The following CNTNAP3B variants were observed in gnomAD, a reference collection of about 807,000 sequenced individuals.
CNTNAP3B encodes contactin-associated protein-like 3B.
A neutral mutation model predicts 108.9 loss-of-function variants in CNTNAP3B; 25 were observed. The observed-to-expected ratio is 0.23, with a 90% confidence interval of 0.17 to 0.32. The LOEUF is 0.32. Among genes scored for constraint, CNTNAP3B ranks in the 10% least tolerant of loss-of-function variants. CNTNAP3B has a pLI of 1.00. For missense variants in CNTNAP3B, 252 were observed against 1,210.4 expected (o/e 0.21, Z 11.75); for synonymous variants, 103 against 473.4 (o/e 0.22, Z 10.16).
Position 42,076,868 on chromosome 9 carries a change from C to A in CNTNAP3B, c.390+1G>T, listed in dbSNP as rs576297680. ...AGCAATTATTGTTATTAGAAACATACCCAGATGCTTTCTTCTCGGCGATAC... is the reference window on the plus strand; with the variant it reads ...AGCAATTATTGTTATTAGAAACATAACCAGATGCTTTCTTCTCGGCGATAC... On this transcript the variant is annotated splice_donor_variant, in intron 3 of 23. Transcript: ENST00000377561. LOFTEE classifies it high-confidence loss of function. 5 of 1,540,174 alleles carry A rather than the reference C, an allele frequency of 3.2e-6. 2 individuals carry two copies. The highest frequency in any genetic ancestry group is 4.4e-6 in the Non-Finnish European group (5 of 1,138,666).
chr9:42,108,769 C>T (rs1423826082), intron 1 of CNTNAP3B, among the ~76,000 whole-genome samples: 7 of 138,756 alleles, frequency 5.0e-5, no homozygotes, highest in Non-Finnish European at 1.1e-4. Context: ...TTGATTTGTC[C>T]CCTGACCCCT....
At chr9:41,943,995 A>C (rs1436203584) in intron 13 of CNTNAP3B, among the ~76,000 whole-genome samples, 3,340 of 150,840 alleles carry the variant, frequency 0.022, 14 homozygotes, top group African/African-American at 0.077. Context: ...ATTATGCCAG[A>C]TTTCCCTTAA....
intron 13 of CNTNAP3B, among the ~76,000 whole-genome samples, chr9:41,952,094 G>A (rs1338604178): frequency 5.3e-5 from 8 of 152,264 alleles, no homozygotes; most frequent in Non-Finnish European, 1.0e-4. Context: ...AAATGGTCTG[G>A]CATATTCCAG....
rs1474377885 is a variant in CNTNAP3B at position 42,127,419 on chromosome 9, G to T, written c.85+1591C>A. ...CAACTATGCAACAAAAACAGGAAAG[G>T]TGGTGGCAGGATCTCAGATTTCATT... is the stretch of plus-strand genomic sequence containing the variant. On this transcript the variant is annotated intron_variant, in intron 1 of 23. Coordinates refer to ENST00000377561, the MANE Select transcript of CNTNAP3B (RefSeq NM_001201380.3). 4.3e-5 allele frequency among the ~76,000 whole-genome samples: 6 copies of T among 139,604 alleles called. 3 individuals are homozygous for T. The highest frequency in any genetic ancestry group is 1.7e-4 in the African/African-American group (6 of 35,194). 91.6% of individuals were successfully genotyped at this position (139,604 alleles called of 152,430 possible).
chr9:42,126,753 A>G (rs1408011810), intron 1 of CNTNAP3B, among the ~76,000 whole-genome samples: 1 of 136,078 alleles, frequency 7.3e-6, no homozygotes, highest in Non-Finnish European at 1.6e-5. Flanking sequence ...TATTTTTAGT[A>G]GAGACAGGGT....
intron 10 of CNTNAP3B, among the ~76,000 whole-genome samples, chr9:41,966,634 A>T (rs1415567720): frequency 6.6e-6 from 1 of 152,406 alleles, no homozygotes; most frequent in East Asian, 1.9e-4. Flanking sequence ...CAAACCTTAA[A>T]ACAGTATAGG....
In CNTNAP3B at chr9:41,933,897, A is replaced by T. The variant is rs1824056609; in HGVS notation, c.2237+4347T>A. Among the ~76,000 whole-genome samples the T allele has an allele frequency of 2.0e-5, 3 of 152,304 alleles. No individual in the cohort carries two copies. The South Asian group carries it at 6.2e-4, about 32-fold the overall frequency. On this transcript the variant is annotated intron_variant, in intron 14 of 23. Transcript: ENST00000377561. ...TGTTAAGATTCCATCCATTTACAAA[A>T]TTTTTTATACTTATTCAACAATAAT...
chr9:41,967,816 A>C (rs199969832), intron 10 of CNTNAP3B, among the ~76,000 whole-genome samples: 1,490 of 151,712 alleles, frequency 9.8e-3, no homozygotes, highest in South Asian at 0.036. Flanking sequence ...AATAGCCTTT[A>C]TTTGTAGCCC....
chr9:41,964,269 C>T (rs1212179371), intron 11 of CNTNAP3B, among the ~76,000 whole-genome samples: 1 of 151,842 alleles, frequency 6.6e-6, no homozygotes, highest in East Asian at 1.9e-4. Flanking sequence ...TAGTTTCTAC[C>T]TTTTACTATA....
Position 41,958,976 on chromosome 9 carries a change from C to T in CNTNAP3B, c.1876+1797G>A, listed in dbSNP as rs1364791233. ...AGTTTTTAATTCTCAGATGTGTCCA[C>T]ATCAAACATCCAACAATTCGTCAAT... is the stretch of plus-strand genomic sequence containing the variant. On this transcript the variant is annotated intron_variant, in intron 12 of 23. Transcript: ENST00000377561. Among the ~76,000 whole-genome samples the T allele has an allele frequency of 5.0e-5, 7 of 139,766 alleles. 1 individual carries two copies. The highest frequency in any genetic ancestry group is 1.7e-4 in the African/African-American group (6 of 35,022). 91.7% of individuals were successfully genotyped at this position (139,766 alleles called of 152,430 possible).
Position 42,087,566 on chromosome 9 carries a change from G to T in CNTNAP3B, c.197-10504C>A, listed in dbSNP as rs1429723479. 2.1e-5 allele frequency among the ~76,000 whole-genome samples: 3 copies of T among 144,814 alleles called. 1 individual carries two copies. The highest frequency in any genetic ancestry group is 7.8e-5 in the African/African-American group (3 of 38,426). ...CCCTGTGGGCCTCAGGGGCAAAGGAGACAGATACAAATATGCTGAAACTCA... is the reference window on the plus strand; with the variant it reads ...CCCTGTGGGCCTCAGGGGCAAAGGATACAGATACAAATATGCTGAAACTCA... On this transcript the variant is annotated intron_variant, in intron 2 of 23. Coordinates refer to ENST00000377561, the MANE Select transcript of CNTNAP3B (RefSeq NM_001201380.3).
intron 14 of CNTNAP3B, among the ~76,000 whole-genome samples, chr9:41,934,982 T>C (rs1156758044): frequency 6.6e-6 from 1 of 152,246 alleles, no homozygotes; most frequent in East Asian, 1.9e-4. Flanking sequence ...GTGTCATCAT[T>C]ATATTAGCAA....
At chr9:42,105,806 GT>G in intron 1 of CNTNAP3B, among the ~76,000 whole-genome samples, 1 of 92,938 alleles carries the variant, frequency 1.1e-5, no homozygotes, top group Admixed American at 1.1e-4. Context: ...ATCTAATAAT[GT>G]TACACATAAG....
chr9:41,948,050 GC>G (rs1218663356), intron 13 of CNTNAP3B, among the ~76,000 whole-genome samples: 1 of 151,176 alleles, frequency 6.6e-6, no homozygotes, highest in East Asian at 1.9e-4. Flanking sequence ...AAATCTCTTG[GC>G]CCAGATGGTT....
chr9:41,926,381 G>A (rs1221437494), intron 15 of CNTNAP3B, among the ~76,000 whole-genome samples: 1 of 152,304 alleles, frequency 6.6e-6, no homozygotes. Context: ...TGAAGATAAG[G>A]AAAGGAAAAG....
Position 42,093,177 on chromosome 9 carries a change from C to A in CNTNAP3B, c.196+11452G>T, listed in dbSNP as rs1162725723. On this transcript the variant is annotated intron_variant, in intron 2 of 23. Transcript: ENST00000377561. The stretch of plus-strand genomic sequence containing the variant: ...TGGCCAACATGGTGAAACCCCGTCT[C>A]TACTAAAAATACAAAAAATTAGCCA... Among the ~76,000 whole-genome samples, 2 of 95,096 alleles carry A rather than the reference C, an allele frequency of 2.1e-5. 1 individual carries two copies. Among genetic ancestry groups the A allele is most frequent in the African/African-American group, 7.9e-5 (2 of 25,338 alleles). The allele number at this position is 95,096 out of a possible 152,430, so 62.4% of individuals were successfully genotyped here.
intron 18 of CNTNAP3B, among the ~76,000 whole-genome samples, chr9:41,919,167 C>A (rs1823599117): frequency 2.0e-5 from 3 of 152,030 alleles, no homozygotes; most frequent in Non-Finnish European, 4.4e-5. Context: ...CGGAGTCTCA[C>A]TCTGTCGCCC....
intron 10 of CNTNAP3B, among the ~76,000 whole-genome samples, chr9:41,966,558 T>A (rs1465880455): frequency 1.3e-5 from 2 of 152,212 alleles, no homozygotes; most frequent in Non-Finnish European, 2.9e-5. Context: ...GCCTCCCTGC[T>A]CAGGGAGCCC....
chr9:41,963,157 C>G (rs1825158526), intron 11 of CNTNAP3B, among the ~76,000 whole-genome samples: 1 of 152,298 alleles, frequency 6.6e-6, no homozygotes, highest in African/African-American at 2.4e-5. Flanking sequence ...GTGGTTTTAA[C>G]ACTCCACAGC....
Sources: gnomAD v4.1 joint callset for allele counts (sites outside exome capture counted in the v4.1 genomes callset) on GRCh38, gnomAD v4.1.1 for gene constraint, MANE v1.5 for transcripts, NCBI Gene and HGNC (gene_info 2026-07-23, HGNC 2026-07-21) for gene names.